SENP6: variants seen among roughly 807,000 people sequenced by gnomAD.
SENP6 encodes sentrin-specific protease 6.
A neutral mutation model predicts 134.5 loss-of-function variants in SENP6; 41 were observed. The ratio of observed to expected loss-of-function variants is 0.30; its 90% confidence interval spans 0.24 to 0.40. The LOEUF (loss-of-function observed/expected upper bound fraction) is 0.40. SENP6 is among the 10% of genes least tolerant of loss of function. SENP6 has a pLI of 1.00. For missense variants in SENP6, 1,248 were observed against 1,312.5 expected, an observed-to-expected ratio of 0.95 and a Z score of 0.76; for synonymous variants, 395 against 429.8, an observed-to-expected ratio of 0.92 and a Z score of 1.00.
chr6:75,635,383 TTAAA>T (rs972116389), intron 5 of SENP6, among the ~76,000 whole-genome samples: 2 of 152,130 alleles, frequency 1.3e-5, no homozygotes, highest in African/African-American at 4.8e-5. Flanking sequence ...GCTACAAGAG[TTAAA>T]TAAATAATTT....
At chr6:75,618,067 G>A (rs1767993031) in intron 1 of SENP6, among the ~76,000 whole-genome samples, 1 of 152,158 alleles carries the variant, frequency 6.6e-6, no homozygotes, top group Non-Finnish European at 1.5e-5. Flanking sequence ...TCACTTGGCT[G>A]AGGTAGTGTT....
intron 16 of SENP6, among the ~76,000 whole-genome samples, chr6:75,681,239 T>C (rs1371360836): frequency 6.6e-6 from 1 of 152,066 alleles, no homozygotes; most frequent in Non-Finnish European, 1.5e-5. Context: ...TTACATTGAG[T>C]AAGTTCTCAC....
Position 75,640,479 on chromosome 6 carries a change from CTGTT to C in SENP6, c.459-199_459-196del, listed in dbSNP as rs796366889. 1.4e-3 allele frequency among the ~76,000 whole-genome samples: 107 copies of C among 74,380 alleles called. 1 individual carries two copies. In the South Asian group the frequency reaches 0.025, roughly 17 times the overall value. 48.8% of individuals were successfully genotyped at this position (74,380 alleles called of 152,430 possible). On this transcript the variant is annotated intron_variant, in intron 5 of 23. Coordinates refer to ENST00000447266, the MANE Select transcript of SENP6 (RefSeq NM_015571.4). ...TTTATATTTTTGTGTATTCATCTTCCTGTTTGTTTATTTTGTATATTGACAGAAA... is the reference window on the plus strand; with the variant it reads ...TTTATATTTTTGTGTATTCATCTTCCTGTTTATTTTGTATATTGACAGAAA...
At chr6:75,653,454 A>G (rs901757247) in intron 7 of SENP6, among the ~76,000 whole-genome samples, 12 of 152,026 alleles carry the variant, frequency 7.9e-5, no homozygotes, top group Admixed American at 7.2e-4. Context: ...ATTCACCTTT[A>G]TTTTCCAAAA....
chr6:75,641,306 T>A (rs1770010260), intron 6 of SENP6, among the ~76,000 whole-genome samples: 2 of 152,230 alleles, frequency 1.3e-5, no homozygotes, highest in African/African-American at 4.8e-5. Context: ...AATAGAATAT[T>A]TCAGTGCTTT....
chr6:75,616,526 A>G (rs1261244862), intron 1 of SENP6, among the ~76,000 whole-genome samples: 5 of 152,050 alleles, frequency 3.3e-5, no homozygotes, highest in African/African-American at 1.2e-4. Flanking sequence ...AGGCGGGTGG[A>G]TCACAAGGTC....
intron 3 of SENP6, among the ~76,000 whole-genome samples, chr6:75,624,583 C>G (rs1768524490): frequency 6.6e-6 from 1 of 152,010 alleles, no homozygotes; most frequent in South Asian, 2.1e-4. Flanking sequence ...CAAATGAAAA[C>G]TAGTATCTCA....
Position 75,677,029 on chromosome 6 carries a change from G to T in SENP6, c.1622-1G>T. On this transcript the variant is annotated splice_acceptor_variant, in intron 13 of 23. Coordinates refer to ENST00000447266, the MANE Select transcript of SENP6 (RefSeq NM_015571.4). LOFTEE classifies it high-confidence loss of function. ...TTGGACTTATATTTATTTCTTTTCA[G>T]ATTTAGAAGAACAATATATAATTTT... 3 of 1,388,540 alleles carry T rather than the reference G, an allele frequency of 2.2e-6. No homozygotes were observed. Among genetic ancestry groups the T allele is most frequent in the South Asian group, 1.3e-5 (1 of 79,050 alleles). The allele number at this position is 1,388,540 out of a possible 1,614,324, so 86.0% of individuals were successfully genotyped here. A position where few individuals can be genotyped will look rare whatever the true frequency, so the allele number is the denominator to read the frequency against.
chr6:75,630,804 A>G (rs1263733169), intron 3 of SENP6, among the ~76,000 whole-genome samples: 6 of 152,022 alleles, frequency 3.9e-5, no homozygotes, highest in Admixed American at 3.3e-4. Context: ...TTACCTTTCT[A>G]CATTATTATT....
intron 8 of SENP6, 106 bp from the exon 9 acceptor site, chr6:75,663,115 T>G (rs762536744): frequency 4.1e-5 from 44 of 1,069,936 alleles, no homozygotes; most frequent in Non-Finnish European, 6.0e-5. Context: ...TTATTTCTTT[T>G]GTTCTTTTGG....
At chr6:75,657,107 T>A (rs773557797) in intron 7 of SENP6, among the ~76,000 whole-genome samples, 2 of 152,194 alleles carry the variant, frequency 1.3e-5, no homozygotes, top group Non-Finnish European at 2.9e-5. Flanking sequence ...CTTAAAAAGA[T>A]TAATGAAGTA....
chr6:75,613,114 TAA>T (rs71002750), intron 1 of SENP6, among the ~76,000 whole-genome samples: 2 of 145,494 alleles, frequency 1.4e-5, no homozygotes, highest in Non-Finnish European at 1.5e-5. Flanking sequence ...ATTCTGTCTT[TAA>T]AAAAAAAAAA....
intron 3 of SENP6, among the ~76,000 whole-genome samples, chr6:75,633,028 T>A (rs952666778): frequency 6.6e-6 from 1 of 152,216 alleles, no homozygotes; most frequent in Non-Finnish European, 1.5e-5. Flanking sequence ...GATAAAGGAA[T>A]CTTTACAAAT....
intron 9 of SENP6, among the ~76,000 whole-genome samples, chr6:75,663,724 C>T (rs1405760810): frequency 2.0e-5 from 3 of 146,932 alleles, no homozygotes; most frequent in African/African-American, 7.9e-5. Context: ...AGATGAAGTG[C>T]TAGTTATAAC....
intron 6 of SENP6, chr6:75,647,172 T>C (rs1770515777): frequency 6.6e-6 from 1 of 152,356 alleles, no homozygotes; most frequent in Admixed American, 6.5e-5. Context: ...TGCGCTTTTA[T>C]ACAATTAGCT....
chr6:75,637,675 T>G (rs578136489), intron 5 of SENP6, among the ~76,000 whole-genome samples: 1 of 152,150 alleles, frequency 6.6e-6, no homozygotes, highest in South Asian at 2.1e-4. Flanking sequence ...AAGAACCTTA[T>G]AAGAAATTCT....
chr6:75,686,092 A>G (rs906417852), intron 16 of SENP6, among the ~76,000 whole-genome samples: 2 of 152,166 alleles, frequency 1.3e-5, no homozygotes, highest in African/African-American at 4.8e-5. Context: ...TATTGGGTGC[A>G]TATATATTTA....
chr6:75,675,660 C>G (rs1216680498), intron 12 of SENP6, 192 bp downstream of exon 12: 1 of 733,882 alleles, frequency 1.4e-6, no homozygotes, highest in Non-Finnish European at 2.2e-6. Flanking sequence ...TTTTAGAAAC[C>G]CCTTTTCATT....
intron 6 of SENP6, among the ~76,000 whole-genome samples, chr6:75,641,073 G>A (rs1369755181): frequency 4.6e-5 from 7 of 152,036 alleles, no homozygotes; most frequent in Non-Finnish European, 2.9e-5. Context: ...TTCCTGTCTA[G>A]CTGTAATTTT....
Sources: allele counts gnomAD v4.1 joint callset (sites outside exome capture counted in the v4.1 genomes callset), GRCh38; gene constraint gnomAD v4.1.1; transcripts MANE v1.5; gene names NCBI Gene and HGNC (gene_info 2026-07-23, HGNC 2026-07-21).